Variants in PM20D2 observed in about 807,000 individuals in gnomAD.
PM20D2 encodes xaa-Arg dipeptidase.
In PM20D2, 33 loss-of-function variants were observed where a neutral mutation model predicts 42.9. The observed-to-expected ratio is 0.77, with a 90% CI of 0.58 to 1.03. The LOEUF (loss-of-function observed/expected upper bound fraction) is 1.03. PM20D2 is among the 50% of genes least tolerant of loss of function. The pLI is 0.00. For synonymous variants in PM20D2, 250 were observed against 228.2 expected (o/e 1.10, Z -0.86); for missense variants, 548 against 557.0 (o/e 0.98, Z 0.16).
At chr6:89,140,130 TG>T in the PM20D2 span, among the ~76,000 whole-genome samples, 10,690 of 151,998 alleles carry the variant, frequency 0.07, 1,127 homozygotes, top group African/African-American at 0.23. Context: ...TTTGTAGAGA[TG>T]GGGGGGTGGT....
intron 2 of PM20D2, 115 bp downstream of exon 2, chr6:89,149,528 GAC>G: frequency 7.8e-7 from 1 of 1,287,810 alleles, no homozygotes; most frequent in Non-Finnish European, 1.1e-6. Context: ...TAAATTGAAA[GAC>G]AATAACAAGA....
At chr6:89,133,986 A>G in the PM20D2 span, among the ~76,000 whole-genome samples, 3 of 151,492 alleles carry the variant, frequency 2.0e-5, no homozygotes, top group South Asian at 6.2e-4. Context: ...TCTGTCCCGC[A>G]GACCTTGACC....
chr6:89,126,567 C>A, the PM20D2 span, among the ~76,000 whole-genome samples: 1 of 150,834 alleles, frequency 6.6e-6, no homozygotes, highest in African/African-American at 2.4e-5. Context: ...GCCTATAATC[C>A]CAGCTACTCG....
chr6:89,120,532 A>G, the PM20D2 span, among the ~76,000 whole-genome samples: 287 of 152,248 alleles, frequency 1.9e-3, 3 homozygotes, highest in African/African-American at 6.3e-3. Context: ...GTGGAGAAAA[A>G]TCAATTCATG....
At chr6:89,126,954 A>G in the PM20D2 span, among the ~76,000 whole-genome samples, 1 of 152,222 alleles carries the variant, frequency 6.6e-6, no homozygotes, top group African/African-American at 2.4e-5. Flanking sequence ...GCTAGAGATA[A>G]GACAATTTGA....
intron 4 of PM20D2, among the ~76,000 whole-genome samples, chr6:89,156,541 C>T (rs574807576): frequency 5.3e-5 from 8 of 152,248 alleles, no homozygotes; most frequent in African/African-American, 1.7e-4. Context: ...GATTGATTCA[C>T]GTAGTAGCAG....
chr6:89,113,277 G>T, the PM20D2 span, among the ~76,000 whole-genome samples: 2 of 152,006 alleles, frequency 1.3e-5, no homozygotes, highest in Non-Finnish European at 2.9e-5. Context: ...AGGTTCATGC[G>T]ATTCTTCTGC....
the PM20D2 span, among the ~76,000 whole-genome samples, chr6:89,140,102 A>AT: frequency 1.3e-5 from 2 of 151,380 alleles, no homozygotes; most frequent in African/African-American, 4.9e-5. Flanking sequence ...CACCCAGCTG[A>AT]TTTTTTTTGT....
At chr6:89,160,922 C>T (rs1361604469) in intron 5 of PM20D2, among the ~76,000 whole-genome samples, 3 of 151,336 alleles carry the variant, frequency 2.0e-5, no homozygotes, top group South Asian at 2.1e-4. Context: ...GTGTCTAGAG[C>T]GGCTAGGGCA....
the PM20D2 span, among the ~76,000 whole-genome samples, chr6:89,136,070 G>T: frequency 6.6e-6 from 1 of 151,150 alleles, no homozygotes; most frequent in Non-Finnish European, 1.5e-5. Context: ...ACAGCTAGAT[G>T]AGTGTTGCAG....
upstream of PM20D2, among the ~76,000 whole-genome samples, chr6:89,145,339 C>A (rs942603605): frequency 2.6e-5 from 4 of 152,152 alleles, no homozygotes; most frequent in African/African-American, 9.7e-5. Context: ...ATAAACGAAA[C>A]CTGTCATATG....
the PM20D2 span, among the ~76,000 whole-genome samples, chr6:89,133,089 C>T: frequency 6.7e-6 from 1 of 148,794 alleles, no homozygotes. Flanking sequence ...ATTAGCCAGG[C>T]ATGGTGATGC....
At chr6:89,150,192 T>C (rs147666805) in intron 2 of PM20D2, among the ~76,000 whole-genome samples, 1 of 152,330 alleles carries the variant, frequency 6.6e-6, no homozygotes, top group African/African-American at 2.4e-5. Context: ...TCCCACCTCT[T>C]AGCACCTTAC....
chr6:89,148,700 C>T, intron 1 of PM20D2: 3 of 414,392 alleles, frequency 7.2e-6, no homozygotes, highest in Non-Finnish European at 9.7e-6. Flanking sequence ...GAGTTTAGGC[C>T]AGAAGATCAG....
chr6:89,159,112 A>G (rs1018543244), intron 5 of PM20D2, among the ~76,000 whole-genome samples: 5 of 152,194 alleles, frequency 3.3e-5, no homozygotes, highest in African/African-American at 1.2e-4. Flanking sequence ...AGGTGCTTAT[A>G]GTATTTCTAA....
the PM20D2 span, among the ~76,000 whole-genome samples, chr6:89,137,837 T>C: frequency 6.6e-6 from 1 of 152,168 alleles, no homozygotes; most frequent in African/African-American, 2.4e-5. Flanking sequence ...TTTGGTAGTT[T>C]CTCTATTACT....
the PM20D2 span, among the ~76,000 whole-genome samples, chr6:89,113,584 T>C: frequency 6.6e-6 from 1 of 152,160 alleles, no homozygotes; most frequent in Admixed American, 6.5e-5. Context: ...GCTGGGATTA[T>C]AGATGTGAGC....
intron 5 of PM20D2, among the ~76,000 whole-genome samples, chr6:89,159,881 A>G (rs1299815870): frequency 6.6e-6 from 1 of 152,160 alleles, no homozygotes; most frequent in Non-Finnish European, 1.5e-5. Context: ...CTTTTACCCT[A>G]GCAGGTTTCT....
At chr6:89,120,730 A>AC in the PM20D2 span, among the ~76,000 whole-genome samples, 5 of 152,020 alleles carry the variant, frequency 3.3e-5, no homozygotes, top group African/African-American at 1.2e-4. Context: ...AAAATTAGCC[A>AC]ACCATGGTGG....
Sources: allele counts gnomAD v4.1 joint callset (sites outside exome capture counted in the v4.1 genomes callset), GRCh38; gene constraint gnomAD v4.1.1; transcripts MANE v1.5; gene names NCBI Gene and HGNC (gene_info 2026-07-23, HGNC 2026-07-21).